The following PPP1R12A variants were observed in gnomAD, a reference collection of about 807,000 sequenced individuals.
PPP1R12A encodes protein phosphatase 1 regulatory subunit 12A.
Under a neutral mutation model 139.6 loss-of-function variants are expected in PPP1R12A, and 19 were observed. That is an observed-to-expected ratio of 0.14 (90% CI 0.09 to 0.20). PPP1R12A has a LOEUF of 0.20. Ranked by LOEUF, PPP1R12A falls within the 10% of genes least tolerant of loss-of-function variation. PPP1R12A has a pLI of 1.00. For synonymous variants in PPP1R12A, 427 were observed against 420.6 expected (o/e 1.02, Z -0.19); for missense variants, 925 against 1,211.5 (o/e 0.76, Z 3.51).
At chr12:79,800,992 CAA>C (rs889384182) in intron 14 of PPP1R12A, among the ~76,000 whole-genome samples, 2 of 151,674 alleles carry the variant, frequency 1.3e-5, no homozygotes, top group African/African-American at 4.8e-5. Flanking sequence ...CTCAGCCTCC[CAA>C]AGTGCTGGGA....
In PPP1R12A at chr12:79,808,587, A is replaced by G. The variant is rs759068638; in HGVS notation, c.1456-10T>C. 6.5e-6 allele frequency: 10 copies of G among 1,543,282 alleles called. No individual in the cohort carries two copies. The East Asian group carries it at 2.0e-4, about 31-fold the overall frequency. On this transcript the variant is annotated splice_polypyrimidine_tract_variant and intron_variant, in intron 10 of 24. Transcript: ENST00000450142. ...CTTTACTATCTTTCTCCTACACAACAGGGAAAAAAATAAGTAAAAATTAAT... is the reference window on the plus strand; with the variant it reads ...CTTTACTATCTTTCTCCTACACAACGGGGAAAAAAATAAGTAAAAATTAAT...
intron 1 of PPP1R12A, 24 bp downstream of exon 1, chr12:79,934,671 G>C (rs1592861016): frequency 1.3e-6 from 2 of 1,504,008 alleles, no homozygotes; most frequent in Non-Finnish European, 1.8e-6. Context: ...ACGGTCAGGA[G>C]AGCCGGCGGC....
chr12:79,906,767 C>T (rs573487780), intron 1 of PPP1R12A, among the ~76,000 whole-genome samples: 1 of 152,274 alleles, frequency 6.6e-6, no homozygotes, highest in African/African-American at 2.4e-5. Flanking sequence ...CTACAGCTTC[C>T]CAAGTAGCTG....
At chr12:79,888,968 G>T (rs1411336874) in intron 1 of PPP1R12A, among the ~76,000 whole-genome samples, 1 of 152,174 alleles carries the variant, frequency 6.6e-6, no homozygotes, top group Non-Finnish European at 1.5e-5. Flanking sequence ...AATTTATTCT[G>T]CAGATACAAT....
In PPP1R12A at chr12:79,935,091, G is replaced by C. The variant is rs910808895; in HGVS notation, c.-160C>G. On this transcript the variant is annotated 5_prime_UTR_variant, in exon 1 of 25. Transcript: ENST00000450142. Reference sequence around the variant, plus strand: ...CGCTCGAGACTTCCAGTATCCCACAGAGCACTGGGGCGGCGCACCCGGCCG... The same window carrying C: ...CGCTCGAGACTTCCAGTATCCCACACAGCACTGGGGCGGCGCACCCGGCCG... The C allele has an allele frequency of 5.8e-6, 8 of 1,373,794 alleles. No individual in the cohort carries two copies. The highest frequency in any genetic ancestry group is 7.5e-6 in the Non-Finnish European group (8 of 1,065,738). 85.1% of individuals were successfully genotyped at this position (1,373,794 alleles called of 1,614,324 possible).
At position 79,807,347 on chromosome 12, in the gene PPP1R12A, C is replaced by A; in HGVS notation, c.1551-17G>T. On this transcript the variant is annotated splice_polypyrimidine_tract_variant and intron_variant, in intron 11 of 24. Coordinates refer to ENST00000450142, the MANE Select transcript of PPP1R12A (RefSeq NM_002480.3). ...GAAGAATCTCTGTTAAAAGAACACCCTTCAGATTCTGGTACATAATTTTAA... is the reference window on the plus strand; with the variant it reads ...GAAGAATCTCTGTTAAAAGAACACCATTCAGATTCTGGTACATAATTTTAA... 1 of 1,415,022 alleles carries A rather than the reference C, an allele frequency of 7.1e-7. No homozygotes were observed. Among genetic ancestry groups the A allele is most frequent in the Non-Finnish European group, 9.7e-7 (1 of 1,026,282 alleles). 87.7% of individuals were successfully genotyped at this position (1,415,022 alleles called of 1,614,324 possible). A position where few individuals can be genotyped will look rare whatever the true frequency, so the allele number is the denominator to read the frequency against.
At chr12:79,900,153 T>A (rs577009190) in intron 1 of PPP1R12A, among the ~76,000 whole-genome samples, 1 of 152,312 alleles carries the variant, frequency 6.6e-6, no homozygotes, top group South Asian at 2.1e-4. Flanking sequence ...CTTTCCTGTT[T>A]GGATAAGCCA....
intron 1 of PPP1R12A, among the ~76,000 whole-genome samples, chr12:79,881,146 T>C (rs1023951360): frequency 1.3e-5 from 2 of 152,066 alleles, no homozygotes; most frequent in Admixed American, 6.6e-5. Flanking sequence ...ATTAGACCAA[T>C]GAATAACCCT....
At chr12:79,834,654 T>C (rs2137164234) in intron 3 of PPP1R12A, among the ~76,000 whole-genome samples, 1 of 152,264 alleles carries the variant, frequency 6.6e-6, no homozygotes, top group Non-Finnish European at 1.5e-5. Context: ...AAATGTGAAG[T>C]TTAAGATGCC....
At chr12:79,795,522 A>T in intron 18 of PPP1R12A, 116 bp downstream of exon 18, 3 of 1,104,188 alleles carry the variant, frequency 2.7e-6, no homozygotes, top group Non-Finnish European at 3.8e-6. Flanking sequence ...AAACACAGTG[A>T]TGATTTAAGG....
chr12:79,804,631 GGTCA>G (rs200301996), intron 14 of PPP1R12A, among the ~76,000 whole-genome samples: 2,225 of 151,308 alleles, frequency 0.015, 45 homozygotes, highest in East Asian at 0.065. Context: ...AAGTTAATCT[GGTCA>G]GTATTTTAGT....
intron 1 of PPP1R12A, among the ~76,000 whole-genome samples, chr12:79,889,839 A>T (rs1884428616): frequency 6.6e-6 from 1 of 152,180 alleles, no homozygotes; most frequent in African/African-American, 2.4e-5. Flanking sequence ...GGCAGATTCC[A>T]TGTCCAGTGA....
intron 22 of PPP1R12A, among the ~76,000 whole-genome samples, chr12:79,783,039 A>C (rs904853266): frequency 2.6e-5 from 4 of 152,234 alleles, no homozygotes; most frequent in East Asian, 3.9e-4. Context: ...TTAAAGAACT[A>C]ATCATGGCTA....
intron 1 of PPP1R12A, among the ~76,000 whole-genome samples, chr12:79,917,269 G>A (rs1052973842): frequency 2.6e-5 from 4 of 151,868 alleles, no homozygotes; most frequent in Admixed American, 2.0e-4. Context: ...GGTGGATCAC[G>A]AGGTCACGAG....
At chr12:79,928,259 T>C (rs957189914) in intron 1 of PPP1R12A, among the ~76,000 whole-genome samples, 1 of 152,174 alleles carries the variant, frequency 6.6e-6, no homozygotes, top group African/African-American at 2.4e-5. Context: ...AAGATGGTCT[T>C]GGTTATGACA....
intron 1 of PPP1R12A, among the ~76,000 whole-genome samples, chr12:79,932,958 C>T (rs182662993): frequency 2.0e-5 from 3 of 152,310 alleles, no homozygotes; most frequent in Admixed American, 2.0e-4. Flanking sequence ...TAATAATCGT[C>T]TTTCAAAATC....
intron 4 of PPP1R12A, among the ~76,000 whole-genome samples, chr12:79,829,004 A>C (rs1191034962): frequency 6.6e-6 from 1 of 152,132 alleles, no homozygotes; most frequent in Non-Finnish European, 1.5e-5. Flanking sequence ...TTTTAAGAAC[A>C]AAACAAAGCA....
Position 79,891,231 on chromosome 12 carries a change from G to C in PPP1R12A, c.238-18293C>G, listed in dbSNP as rs375189010. Among the ~76,000 whole-genome samples the C allele has an allele frequency of 3.3e-5, 5 of 152,076 alleles. No homozygotes were observed. The East Asian group carries it at 5.8e-4, about 18-fold the overall frequency. ...ATTCTGGATCCTGGGGATGATGAAG[G>C]ATTGAAAAAATCTTATATGGTTATC... On this transcript the variant is annotated intron_variant, in intron 1 of 24. Coordinates refer to ENST00000450142, the MANE Select transcript of PPP1R12A (RefSeq NM_002480.3).
intron 22 of PPP1R12A, among the ~76,000 whole-genome samples, chr12:79,783,330 G>C (rs187886480): frequency 3.9e-4 from 59 of 150,070 alleles, no homozygotes; most frequent in African/African-American, 1.4e-3. Context: ...TTAAACAGGT[G>C]TGGTGGCATT....
Sources: gnomAD v4.1 joint callset for allele counts (sites outside exome capture counted in the v4.1 genomes callset) on GRCh38, gnomAD v4.1.1 for gene constraint, MANE v1.5 for transcripts, NCBI Gene and HGNC (gene_info 2026-07-23, HGNC 2026-07-21) for gene names.